Variants in C6orf89 observed in about 807,000 individuals in gnomAD.
C6orf89 encodes the protein chromosome 6 open reading frame 89, also known as bombesin receptor-activated protein C6orf89.
In C6orf89, 29 loss-of-function variants were observed where a neutral mutation model predicts 40.7. The ratio of observed to expected loss-of-function variants is 0.71; its 90% CI spans 0.53 to 0.97. The LOEUF (loss-of-function observed/expected upper bound fraction) is 0.97, where lower values mean the gene tolerates loss of function less well. C6orf89 is among the 50% of genes least tolerant of loss of function. The pLI is 0.00. For missense variants in C6orf89, 392 were observed against 429.1 expected (o/e 0.91, Z 0.76); for synonymous variants, 165 against 152.2 (o/e 1.08, Z -0.62).
At chr6:36,901,656 A>T (rs1170914431) in intron 3 of C6orf89, among the ~76,000 whole-genome samples, 25 of 138,492 alleles carry the variant, frequency 1.8e-4, no homozygotes, top group African/African-American at 4.0e-4. Flanking sequence ...TATTATTATT[A>T]TTTTTATTTA....
chr6:36,919,622 C>T lies in C6orf89; in HGVS notation c.870C>T (p.Ala290=). 1.2e-6 allele frequency: 2 copies of T among 1,614,088 alleles called. No individual in the cohort carries two copies. Among genetic ancestry groups the T allele is most frequent in the Non-Finnish European group, 1.7e-6 (2 of 1,179,982 alleles). ...PDLFIIGSGE[A]MLQLIPPFQC... Reference sequence around the variant, plus strand: ...TATTTATCATTGGCAGCGGTGAGGCCATGTTGCAGCTCATCCCTCCCTTCC... The same window carrying T: ...TATTTATCATTGGCAGCGGTGAGGCTATGTTGCAGCTCATCCCTCCCTTCC... The change falls in exon 8 of 9, where the codon GCC becomes GCT. Residue 290 remains alanine (A), a synonymous_variant. Transcript: ENST00000480824.
chr6:36,916,360 T>A (rs899233266), intron 6 of C6orf89, 85 bp from the exon 7 acceptor site: 5 of 1,557,192 alleles, frequency 3.2e-6, no homozygotes, highest in Non-Finnish European at 4.4e-6. Context: ...CCGCCCACAG[T>A]TTTCCCACCC....
chr6:36,888,816 G>A (rs1260476779), intron 1 of C6orf89, among the ~76,000 whole-genome samples: 3 of 152,148 alleles, frequency 2.0e-5, no homozygotes, highest in African/African-American at 7.2e-5. Context: ...TGAATCAAGA[G>A]GACTTAGTGA....
chr6:36,872,922 G>C (rs1774547857), intron 1 of C6orf89, among the ~76,000 whole-genome samples: 2 of 152,148 alleles, frequency 1.3e-5, no homozygotes, highest in Admixed American at 1.3e-4. Context: ...TGTGAGAATT[G>C]AGTCAACTCT....
intron 3 of C6orf89, among the ~76,000 whole-genome samples, chr6:36,900,996 G>A (rs1482627088): frequency 1.3e-5 from 2 of 151,794 alleles, no homozygotes; most frequent in Non-Finnish European, 2.9e-5. Context: ...ACAGGCATGC[G>A]CAACCATGCC....
chr6:36,889,879 A>G (rs1342907568), intron 1 of C6orf89, among the ~76,000 whole-genome samples: 3 of 152,264 alleles, frequency 2.0e-5, no homozygotes, highest in Non-Finnish European at 4.4e-5. Flanking sequence ...ATGATTTTAT[A>G]ATGTGTTGCA....
rs779499368 is a variant in C6orf89 at position 36,885,993 on chromosome 6, G to A, written c.-155G>A. ...TCCTCGCCCGGCGGCAGCTGTCCCC[G>A]AGGCGGGAGGAGCCCGAGGGGCGCG... On this transcript the variant is annotated 5_prime_UTR_variant, in exon 1 of 9. Transcript: ENST00000480824. 4 of 1,143,152 alleles carry A rather than the reference G, an allele frequency of 3.5e-6. No individual in the cohort carries two copies. The highest frequency in any genetic ancestry group is 4.2e-6 in the Non-Finnish European group (4 of 951,492). The allele number at this position is 1,143,152 out of a possible 1,614,324, so 70.8% of individuals were successfully genotyped here.
At chr6:36,901,327 T>TACTA in intron 3 of C6orf89, among the ~76,000 whole-genome samples, 1 of 39,086 alleles carries the variant, frequency 2.6e-5, no homozygotes, top group African/African-American at 1.6e-4. Flanking sequence ...TATTATTTTT[T>TACTA]TTTTTTTTTT....
Position 36,871,912 on chromosome 6 carries a change from G to T in C6orf89, c.-683G>T, listed in dbSNP as rs770776316. 8 of 1,526,598 alleles carry T rather than the reference G, an allele frequency of 5.2e-6. No individual in the cohort carries two copies. The East Asian group carries it at 7.3e-5, about 14-fold the overall frequency. The allele number at this position is 1,526,598 out of a possible 1,614,324, so 94.6% of individuals were successfully genotyped here. A position where few individuals can be genotyped will look rare whatever the true frequency, so the allele number is the denominator to read the frequency against. ...GACAACAGCTCCAGTAAACAAAAAG[G>T]TCAGGGCAGACAGGAGTATTATGGA... On this transcript the variant is annotated 5_prime_UTR_variant, in exon 1 of 10. Coordinates refer to the C6orf89 transcript ENST00000359359.
At chr6:36,900,931 C>T (rs1333684116) in intron 3 of C6orf89, among the ~76,000 whole-genome samples, 1 of 152,136 alleles carries the variant, frequency 6.6e-6, no homozygotes, top group Admixed American at 6.5e-5. Context: ...AGTGCAACCT[C>T]CGCCTCCCAG....
intron 4 of C6orf89, among the ~76,000 whole-genome samples, chr6:36,908,502 C>G (rs1762007696): frequency 6.6e-6 from 1 of 152,140 alleles, no homozygotes; most frequent in African/African-American, 2.4e-5. Flanking sequence ...ATCCTTTTAA[C>G]TTTTCTACTC....
intron 4 of C6orf89, among the ~76,000 whole-genome samples, chr6:36,910,626 G>T (rs1762091521): frequency 6.6e-6 from 1 of 152,018 alleles, no homozygotes; most frequent in Admixed American, 6.6e-5. Flanking sequence ...TACTTGGGAG[G>T]CTGAGGTGGG....
intron 3 of C6orf89, among the ~76,000 whole-genome samples, chr6:36,900,399 T>C (rs1332791254): frequency 6.6e-6 from 1 of 151,300 alleles, no homozygotes; most frequent in African/African-American, 2.4e-5. Flanking sequence ...ACAGGGTTTC[T>C]CCATGTTGGT....
rs1561873640 is a variant in C6orf89 at position 36,914,483 on chromosome 6, C to T, written c.555+48C>T. On this transcript the variant is annotated intron_variant, in intron 5 of 8. Coordinates refer to ENST00000480824, the MANE Select transcript of C6orf89 (RefSeq NM_001286635.2). ...CGCTGATTGGCTGCTTGCTTAAAGG[C>T]TAGGTCAAGCTCTAGGAAATTTCTG... 6.2e-6 allele frequency: 10 copies of T among 1,612,476 alleles called. No homozygotes were observed. In the South Asian group the frequency reaches 8.8e-5, roughly 14 times the overall value.
chr6:36,925,843 AG>A lies in C6orf89; in HGVS notation c.*2405del, dbSNP rs371748085. ...CTCTGTATGACCCGGTGTGGGAAAGAGGGTTGTCAGGATGAGAAAGTGGGGC... is the reference window on the plus strand; with the variant it reads ...CTCTGTATGACCCGGTGTGGGAAAGAGGTTGTCAGGATGAGAAAGTGGGGC... On this transcript the variant is annotated 3_prime_UTR_variant, in exon 9 of 9. Transcript: ENST00000480824. The A allele has an allele frequency of 2.9e-3, 437 of 152,190 alleles. 4 individuals are homozygous for A. The highest frequency in any genetic ancestry group is 9.8e-3 in the African/African-American group (406 of 41,482). 9.4% of individuals were successfully genotyped at this position (152,190 alleles called of 1,614,324 possible). A position where few individuals can be genotyped will look rare whatever the true frequency, so the allele number is the denominator to read the frequency against.
rs368640375 is a variant in C6orf89 at position 36,899,492 on chromosome 6, G to A, written c.48G>A (p.Glu16=). The change falls in exon 3 of 9, where the codon GAG becomes GAA. Residue 16 remains glutamate, a synonymous_variant. Coordinates refer to ENST00000480824, the MANE Select transcript of C6orf89 (RefSeq NM_001286635.2). ...TCAGCATTTATGACAAACTTTCAGAGACTGTTGATTTGGTGAGACAGACCG... is the reference window on the plus strand; with the variant it reads ...TCAGCATTTATGACAAACTTTCAGAAACTGTTGATTTGGTGAGACAGACCG... The part of the protein sequence containing the change: ...NEISIYDKLS[E]TVDLVRQTGH... 1 of 1,614,116 alleles carries A rather than the reference G, an allele frequency of 6.2e-7. No homozygotes were observed. The highest frequency in any genetic ancestry group is 1.1e-5 in the South Asian group (1 of 91,072).
At chr6:36,901,325 T>TATTATTATTACTA (rs1561865544) in intron 3 of C6orf89, among the ~76,000 whole-genome samples, 3 of 38,862 alleles carry the variant, frequency 7.7e-5, no homozygotes, top group African/African-American at 4.2e-4. Flanking sequence ...ATTATTATTT[T>TATTATTATTACTA]TTTTTTTTTT....
intron 8 of C6orf89, 107 bp downstream of exon 8, chr6:36,919,808 A>G: frequency 8.4e-7 from 1 of 1,183,678 alleles, no homozygotes; most frequent in Non-Finnish European, 1.1e-6. Flanking sequence ...ATTTAGTAGA[A>G]TCAAAAATAA....
At chr6:36,907,499 A>G (rs537722459) in intron 4 of C6orf89, among the ~76,000 whole-genome samples, 1 of 152,294 alleles carries the variant, frequency 6.6e-6, no homozygotes, top group African/African-American at 2.4e-5. Context: ...CTTGTAAAGA[A>G]GGGTGGATAG....
Sources: gnomAD v4.1 joint callset for allele counts (sites outside exome capture counted in the v4.1 genomes callset) on GRCh38, gnomAD v4.1.1 for gene constraint, MANE v1.5 for transcripts, NCBI Gene and HGNC (gene_info 2026-07-23, HGNC 2026-07-21) for gene names.